Variants in GLI2 observed in about 807,000 individuals in gnomAD.
GLI2 encodes GLI family zinc finger 2.
Under a neutral mutation model 78.9 loss-of-function variants are expected in GLI2, and 22 were observed. The observed-to-expected ratio is 0.28, with a 90% CI of 0.20 to 0.40. The LOEUF is 0.40. Ranked by LOEUF, GLI2 falls within the 10% of genes least tolerant of loss-of-function variation. The pLI, the probability that GLI2 is intolerant of heterozygous loss-of-function variation, is 1.00. For missense variants in GLI2, 2,097 were observed against 2,213.2 expected (o/e 0.95, Z 1.05); for synonymous variants, 974 against 963.7 (o/e 1.01, Z -0.20).
At chr2:120,776,202 C>T (rs1683673075) in intron 1 of GLI2, among the ~76,000 whole-genome samples, 1 of 152,262 alleles carries the variant, frequency 6.6e-6, no homozygotes, top group Non-Finnish European at 1.5e-5. Flanking sequence ...CATATTGACA[C>T]ATTTAATCTT....
chr2:120,765,869 G>T (rs765627177), intron 1 of GLI2, among the ~76,000 whole-genome samples: 2 of 152,364 alleles, frequency 1.3e-5, no homozygotes, highest in South Asian at 4.1e-4. Flanking sequence ...TAAGGCGGCT[G>T]CAGGAGACTC....
chr2:120,797,845 G>A (rs72835539), intron 2 of GLI2, among the ~76,000 whole-genome samples: 20,990 of 152,228 alleles, frequency 0.14, 1,590 homozygotes, highest in Middle Eastern at 0.2. Flanking sequence ...TGCCCGCCAA[G>A]GACTGTTTTG....
chr2:120,967,296 G>A lies in GLI2; in HGVS notation c.644-1418G>A, dbSNP rs181226259. Among the ~76,000 whole-genome samples, 251 of 152,336 alleles carry A rather than the reference G, an allele frequency of 1.6e-3. 2 individuals are homozygous for A. The highest frequency in any genetic ancestry group is 2.7e-3 in the South Asian group (13 of 4,834). On this transcript the variant is annotated intron_variant, in intron 5 of 13. Coordinates refer to ENST00000361492, the MANE Select transcript of GLI2 (RefSeq NM_001374353.1). ...CTACCATGGGCCAGGTGCTTCTCAC[G>A]CTTCGCCTAATTTACACCTCATGCC...
At chr2:120,897,458 G>C (rs374753666) in intron 2 of GLI2, among the ~76,000 whole-genome samples, 1 of 152,230 alleles carries the variant, frequency 6.6e-6, no homozygotes, top group African/African-American at 2.4e-5. Context: ...CGACTTTACT[G>C]TGGGTTTACT....
chr2:120,740,003 C>T (rs1326836057), intron 1 of GLI2, among the ~76,000 whole-genome samples: 1 of 152,136 alleles, frequency 6.6e-6, no homozygotes, highest in Non-Finnish European at 1.5e-5. Context: ...AAGAGTGGCA[C>T]CTTCAACACT....
Position 120,941,252 on chromosome 2 carries a change from G to A in GLI2, c.255-9991G>A, listed in dbSNP as rs748998686. Among the ~76,000 whole-genome samples, 141 of 152,300 alleles carry A rather than the reference G, an allele frequency of 9.3e-4. 1 individual carries two copies. Among genetic ancestry groups the A allele is most frequent in the Non-Finnish European group, 1.7e-3 (117 of 68,026 alleles). ...TGTTTTCCAAAAGAATTTGCTGTAT[G>A]GCTCTTAAAAAATGCAAATCCCCTT... On this transcript the variant is annotated intron_variant, in intron 3 of 13. Coordinates refer to ENST00000361492, the MANE Select transcript of GLI2 (RefSeq NM_001374353.1).
intron 2 of GLI2, among the ~76,000 whole-genome samples, chr2:120,909,758 G>A (rs113575138): frequency 1.3e-5 from 2 of 152,176 alleles, no homozygotes; most frequent in Admixed American, 6.5e-5. Flanking sequence ...CCAGCTACTC[G>A]GGAGGCTGAG....
chr2:120,844,166 G>C (rs1237937033), intron 2 of GLI2, among the ~76,000 whole-genome samples: 2 of 152,200 alleles, frequency 1.3e-5, no homozygotes, highest in Non-Finnish European at 2.9e-5. Context: ...TTAAGGGCCA[G>C]AGAGTAAAGA....
chr2:120,958,057 A>AG (rs1681361942), intron 5 of GLI2, among the ~76,000 whole-genome samples: 1 of 152,138 alleles, frequency 6.6e-6, no homozygotes, highest in Non-Finnish European at 1.5e-5. Context: ...CCGGAGCCAG[A>AG]GGGGAGAAGT....
chr2:120,894,363 A>G (rs539033353), intron 2 of GLI2, among the ~76,000 whole-genome samples: 1 of 152,354 alleles, frequency 6.6e-6, no homozygotes, highest in East Asian at 1.9e-4. Context: ...GCTGCCTGGG[A>G]CCGGCGTGGC....
intron 2 of GLI2, among the ~76,000 whole-genome samples, chr2:120,825,935 C>T (rs1686034759): frequency 6.6e-6 from 1 of 152,246 alleles, no homozygotes; most frequent in South Asian, 2.1e-4. Context: ...CTGCTCAGAG[C>T]TTTGCACTCC....
intron 1 of GLI2, among the ~76,000 whole-genome samples, chr2:120,785,786 A>G (rs1208715129): frequency 6.6e-6 from 1 of 151,836 alleles, no homozygotes; most frequent in African/African-American, 2.4e-5. Context: ...ATAACACTGT[A>G]CTCCCTGGGG....
At chr2:120,852,802 C>T (rs1237478729) in intron 2 of GLI2, among the ~76,000 whole-genome samples, 6 of 152,186 alleles carry the variant, frequency 3.9e-5, no homozygotes, top group Non-Finnish European at 8.8e-5. Context: ...GTCATCAGGA[C>T]CTTTGCCATT....
chr2:120,967,674 C>T lies in GLI2; in HGVS notation c.644-1040C>T, dbSNP rs112816152. Reference sequence around the variant, plus strand: ...TGTGCATATGCATGTGTACACATGTCTGCGTGTGGGTGCACACAAGTGTTT... The same window carrying T: ...TGTGCATATGCATGTGTACACATGTTTGCGTGTGGGTGCACACAAGTGTTT... On this transcript the variant is annotated intron_variant, in intron 5 of 13. Transcript: ENST00000361492. 1.8e-3 allele frequency among the ~76,000 whole-genome samples: 275 copies of T among 152,374 alleles called. No homozygotes were observed. In the Middle Eastern group the frequency reaches 0.034, roughly 19 times the overall value.
intron 8 of GLI2, among the ~76,000 whole-genome samples, chr2:120,973,328 C>T (rs991755056): frequency 5.3e-5 from 8 of 152,226 alleles, no homozygotes; most frequent in African/African-American, 9.6e-5. Context: ...AGGACAGGGC[C>T]GGCAGGCAGG....
chr2:120,820,991 C>T (rs1685743776), intron 2 of GLI2, among the ~76,000 whole-genome samples: 1 of 152,112 alleles, frequency 6.6e-6, no homozygotes, highest in Non-Finnish European at 1.5e-5. Context: ...AGTGTGTGGC[C>T]TCCCGGTGGT....
intron 2 of GLI2, among the ~76,000 whole-genome samples, chr2:120,798,766 G>A (rs1406620475): frequency 1.3e-5 from 2 of 152,132 alleles, no homozygotes; most frequent in Admixed American, 6.5e-5. Context: ...CGCACAGGGA[G>A]GGAAGAGCTG....
intron 2 of GLI2, among the ~76,000 whole-genome samples, chr2:120,838,002 T>G (rs142619664): frequency 6.6e-6 from 1 of 152,356 alleles, no homozygotes; most frequent in East Asian, 1.9e-4. Flanking sequence ...TAGGATCAAC[T>G]TGTTAGAGTC....
rs962593285 is a variant in GLI2, at chr2:120,950,611, A to G, written c.255-632A>G. Among the ~76,000 whole-genome samples the G allele has an allele frequency of 2.6e-5, 4 of 152,180 alleles. No homozygotes were observed. The East Asian group carries it at 7.7e-4, about 29-fold the overall frequency. ...GAAGGGTGGTTCTGTTAGCGCTAGG[A>G]GGAATTCCATGGAAGGAGAACGAGG... is the stretch of plus-strand genomic sequence containing the variant. On this transcript the variant is annotated intron_variant, in intron 3 of 13. Transcript: ENST00000361492.
Sources: gnomAD v4.1 joint callset for allele counts (sites outside exome capture counted in the v4.1 genomes callset) on GRCh38, gnomAD v4.1.1 for gene constraint, MANE v1.5 for transcripts, NCBI Gene and HGNC (gene_info 2026-07-23, HGNC 2026-07-21) for gene names.